METAP1: variants seen among roughly 807,000 people sequenced by gnomAD.
METAP1 encodes the protein methionyl aminopeptidase 1.
Under a neutral mutation model 53.8 loss-of-function variants are expected in METAP1, and 28 were observed. That is an observed-to-expected ratio of 0.52 (90% CI 0.39 to 0.71). The LOEUF is 0.71. METAP1 is among the 30% of genes least tolerant of loss of function. METAP1 has a pLI of 0.00. For missense variants in METAP1, 389 were observed against 479.8 expected, an observed-to-expected ratio of 0.81 and a Z score of 1.77; for synonymous variants, 181 against 165.7, an observed-to-expected ratio of 1.09 and a Z score of -0.71.
intron 1 of METAP1, chr4:99,022,930 G>T: frequency 6.7e-7 from 1 of 1,498,362 alleles, no homozygotes; most frequent in Non-Finnish European, 9.0e-7. Flanking sequence ...CTCACCATAG[G>T]CACTGAGAAG....
chr4:99,025,175 G>T (rs1451876242), intron 1 of METAP1, among the ~76,000 whole-genome samples: 1 of 152,214 alleles, frequency 6.6e-6, no homozygotes, highest in Non-Finnish European at 1.5e-5. Flanking sequence ...ATGGCCTGGG[G>T]TTTGGGGACC....
intron 1 of METAP1, among the ~76,000 whole-genome samples, chr4:99,007,494 C>T (rs963051907): frequency 6.6e-6 from 1 of 151,944 alleles, no homozygotes; most frequent in Non-Finnish European, 1.5e-5. Flanking sequence ...TGATCCTTAC[C>T]TGATAATTAT....
intron 1 of METAP1, among the ~76,000 whole-genome samples, chr4:99,016,666 C>T (rs954317779): frequency 6.6e-6 from 1 of 152,214 alleles, no homozygotes; most frequent in Non-Finnish European, 1.5e-5. Context: ...GGCAGCATTT[C>T]AATATAATCA....
chr4:99,048,819 T>G lies in METAP1; in HGVS notation c.874T>G (p.Cys292Gly). 1 of 1,614,050 alleles carries G rather than the reference T, an allele frequency of 6.2e-7. No individual in the cohort carries two copies. Among genetic ancestry groups the G allele is most frequent in the Non-Finnish European group, 8.5e-7 (1 of 1,179,890 alleles). Residue 292 changes from cysteine (C) to glycine (G), a missense_variant, in exon 9 of 11, where the codon TGT becomes GGT. By Grantham distance (159) the Cys-to-Gly change is radical. Transcript: ENST00000296411. Reference sequence around the variant, plus strand: ...TGGGTTTTCAGTTGTTCGAAGCTATTGTGGGCATGGAATCCACAAGCTTTT... The same window carrying G: ...TGGGTTTTCAGTTGTTCGAAGCTATGGTGGGCATGGAATCCACAAGCTTTT... Reference protein sequence around the residue: ...ANGFSVVRSYCGHGIHKLFHT... With the variant: ...ANGFSVVRSYGGHGIHKLFHT...
chr4:99,013,120 A>C (rs1346489198), intron 1 of METAP1, among the ~76,000 whole-genome samples: 1 of 152,238 alleles, frequency 6.6e-6, no homozygotes, highest in South Asian at 2.1e-4. Flanking sequence ...CATTGGATTG[A>C]GAGTATGTTT....
chr4:99,009,926 T>C (rs1390015614), intron 1 of METAP1, among the ~76,000 whole-genome samples: 2 of 152,234 alleles, frequency 1.3e-5, no homozygotes, highest in Admixed American at 6.5e-5. Context: ...TTTGGTGTTA[T>C]CTCCAAACAA....
intron 1 of METAP1, among the ~76,000 whole-genome samples, chr4:99,020,671 G>A (rs1425088145): frequency 6.6e-6 from 1 of 152,162 alleles, no homozygotes; most frequent in African/African-American, 2.4e-5. Flanking sequence ...GGCCCCAGCT[G>A]CCAGCACATG....
chr4:99,032,939 C>G (rs528786256), intron 2 of METAP1, among the ~76,000 whole-genome samples: 1 of 152,248 alleles, frequency 6.6e-6, no homozygotes, highest in Admixed American at 6.5e-5. Flanking sequence ...TCTTTCTATT[C>G]CTTTATATGT....
At position 99,041,025 on chromosome 4, in the gene METAP1, A is replaced by T. The variant is rs373841077; in HGVS notation, c.433-18A>T. 281 of 1,587,184 alleles carry T rather than the reference A, an allele frequency of 1.8e-4. 1 individual carries two copies. The highest frequency in any genetic ancestry group is 1.6e-4 in the Non-Finnish European group (191 of 1,159,832). ...TTTCTGTGTCTTTTTTAATGTATTG[A>T]GTGTTCCTTTTTTACAGCTTGCTAG... is the stretch of plus-strand genomic sequence containing the variant. On this transcript the variant is annotated intron_variant, in intron 5 of 10. Coordinates refer to ENST00000296411, the MANE Select transcript of METAP1 (RefSeq NM_015143.3).
chr4:99,044,898 A>G (rs577613607), intron 7 of METAP1, among the ~76,000 whole-genome samples: 57 of 152,330 alleles, frequency 3.7e-4, no homozygotes, highest in African/African-American at 1.2e-3. Flanking sequence ...ATTGTGTCCC[A>G]CATACATTTT....
intron 1 of METAP1, among the ~76,000 whole-genome samples, chr4:99,008,989 T>TCC (rs1723331160): frequency 1.3e-5 from 2 of 152,352 alleles, no homozygotes; most frequent in Admixed American, 1.3e-4. Flanking sequence ...TAGAACGTTT[T>TCC]CATTTTGCAG....
intron 9 of METAP1, among the ~76,000 whole-genome samples, chr4:99,052,785 C>T (rs752820991): frequency 1.8e-4 from 28 of 152,292 alleles, no homozygotes; most frequent in African/African-American, 6.0e-4. Context: ...CTTCCTTTCA[C>T]GAAGGATTTT....
chr4:99,013,036 TC>T, intron 1 of METAP1, among the ~76,000 whole-genome samples: 1 of 152,320 alleles, frequency 6.6e-6, no homozygotes, highest in South Asian at 2.1e-4. Flanking sequence ...TTACTATGCA[TC>T]CCGTAAGTTT....
chr4:99,033,204 G>GT (rs1725172536), intron 2 of METAP1, among the ~76,000 whole-genome samples: 1 of 150,354 alleles, frequency 6.7e-6, no homozygotes, highest in African/African-American at 2.4e-5. Context: ...ATTCCATCTA[G>GT]TTTCCTTCAT....
chr4:99,029,861 CAA>C (rs1724870960), intron 2 of METAP1, among the ~76,000 whole-genome samples: 1 of 152,002 alleles, frequency 6.6e-6, no homozygotes, highest in African/African-American at 2.4e-5. Flanking sequence ...TTTAAAAAGA[CAA>C]ATTTTCTGTA....
intron 9 of METAP1, among the ~76,000 whole-genome samples, chr4:99,054,510 CTG>C (rs1320754258): frequency 6.6e-6 from 1 of 152,200 alleles, no homozygotes; most frequent in Non-Finnish European, 1.5e-5. Flanking sequence ...AGCAGTAAGA[CTG>C]TTTTACTTTC....
At chr4:99,043,491 C>G in intron 7 of METAP1, 104 bp downstream of exon 7, 3 of 1,217,118 alleles carry the variant, frequency 2.5e-6, no homozygotes, top group Non-Finnish European at 3.4e-6. Context: ...TGTACTTAAA[C>G]TTTTTCCTTT....
chr4:99,047,881 GA>G (rs1405973280), intron 8 of METAP1, among the ~76,000 whole-genome samples: 1 of 152,210 alleles, frequency 6.6e-6, no homozygotes, highest in African/African-American at 2.4e-5. Flanking sequence ...TATATAGTGA[GA>G]AGTATCTTTC....
At chr4:99,040,192 A>G (rs1725756918) in intron 5 of METAP1, among the ~76,000 whole-genome samples, 1 of 152,212 alleles carries the variant, frequency 6.6e-6, no homozygotes, top group South Asian at 2.1e-4. Context: ...TATTTTCACA[A>G]GTCATCATAA....
Sources: allele counts gnomAD v4.1 joint callset (sites outside exome capture counted in the v4.1 genomes callset), GRCh38; gene constraint gnomAD v4.1.1; transcripts MANE v1.5; gene names NCBI Gene and HGNC (gene_info 2026-07-23, HGNC 2026-07-21).